The following CDK6 variants were observed in gnomAD, a reference collection of about 807,000 sequenced individuals.
CDK6 encodes cyclin-dependent kinase 6.
CDK6 carries 6 observed loss-of-function variants against 37.1 expected under a neutral mutation model. That is an observed-to-expected ratio of 0.16 (90% CI 0.09 to 0.32). The LOEUF is 0.32. Ranked by LOEUF, CDK6 falls within the 10% of genes least tolerant of loss-of-function variation. The pLI is 1.00. For missense variants in CDK6, 224 were observed against 418.9 expected, an observed-to-expected ratio of 0.53 and a Z score of 4.06; for synonymous variants, 160 against 161.3, an observed-to-expected ratio of 0.99 and a Z score of 0.06.
At position 92,607,404 on chromosome 7, in the gene CDK6, A is replaced by G. The variant is rs1795452511; in HGVS notation, c.*7736T>C. 1 of 232,978 alleles carries G rather than the reference A, an allele frequency of 4.3e-6. No homozygotes were observed. The highest frequency in any genetic ancestry group is 8.5e-6 in the Non-Finnish European group (1 of 117,988). The allele number at this position is 232,978 out of a possible 1,614,324, so 14.4% of individuals were successfully genotyped here. On this transcript the variant is annotated 3_prime_UTR_variant, in exon 8 of 8. Coordinates refer to ENST00000424848, the MANE Select transcript of CDK6 (RefSeq NM_001145306.2). Reference sequence around the variant, plus strand: ...TTGCTATATTTTTGCACTCTACTATATGCATATTTAATAAAAACAACTACA... The same window carrying G: ...TTGCTATATTTTTGCACTCTACTATGTGCATATTTAATAAAAACAACTACA...
chr7:92,816,343 G>A (rs999381479), intron 2 of CDK6, among the ~76,000 whole-genome samples: 9 of 152,122 alleles, frequency 5.9e-5, no homozygotes, highest in African/African-American at 1.2e-4. Context: ...CATGGACACA[G>A]TGAGGAGAAA....
chr7:92,608,924 G>A lies in CDK6; in HGVS notation c.*6216C>T, dbSNP rs779592708. On this transcript the variant is annotated 3_prime_UTR_variant, in exon 8 of 8. Coordinates refer to ENST00000424848, the MANE Select transcript of CDK6 (RefSeq NM_001145306.2). ...CGGAAGGCTTTCAAGTGGGAATCAA[G>A]TTTTGAGCACGAGCAAATGGGGTTC... 3 of 232,828 alleles carry A rather than the reference G, an allele frequency of 1.3e-5. No homozygotes were observed. Among genetic ancestry groups the A allele is most frequent in the Middle Eastern group, 1.2e-3 (1 of 806 alleles). The allele number at this position is 232,828 out of a possible 1,614,324, so 14.4% of individuals were successfully genotyped here.
At chr7:92,772,544 A>T (rs1300628921) in intron 3 of CDK6, among the ~76,000 whole-genome samples, 1 of 152,116 alleles carries the variant, frequency 6.6e-6, no homozygotes, top group African/African-American at 2.4e-5. Context: ...AAAAAAAAAA[A>T]AAAATTAACT....
At chr7:92,803,941 C>T (rs1206928551) in intron 2 of CDK6, among the ~76,000 whole-genome samples, 4 of 152,146 alleles carry the variant, frequency 2.6e-5, no homozygotes, top group Non-Finnish European at 5.9e-5. Flanking sequence ...CCTATATAAG[C>T]CATCTACCGT....
chr7:92,749,210 A>AC (rs1331781265), intron 3 of CDK6, among the ~76,000 whole-genome samples: 1 of 151,776 alleles, frequency 6.6e-6, no homozygotes, highest in East Asian at 1.9e-4. Context: ...AAAAAAAAAA[A>AC]AAAAAAGAAA....
chr7:92,725,564 A>C (rs1798491706), intron 4 of CDK6, 62 bp downstream of exon 4: 1 of 1,505,076 alleles, frequency 6.6e-7, no homozygotes, highest in South Asian at 1.2e-5. Flanking sequence ...TGGAAGAGGG[A>C]CAGACTGTCA....
At chr7:92,620,899 C>A (rs373042338) in intron 6 of CDK6, among the ~76,000 whole-genome samples, 9 of 152,152 alleles carry the variant, frequency 5.9e-5, no homozygotes, top group African/African-American at 2.2e-4. Context: ...CAGGGCAAGA[C>A]CTTGTCTCCA....
At chr7:92,622,655 T>A (rs1484862965) in intron 6 of CDK6, among the ~76,000 whole-genome samples, 3 of 152,028 alleles carry the variant, frequency 2.0e-5, no homozygotes, top group Non-Finnish European at 4.4e-5. Context: ...GGATACTCAG[T>A]GGGGACAGGA....
intron 3 of CDK6, among the ~76,000 whole-genome samples, chr7:92,766,726 T>C (rs1312178175): frequency 3.9e-5 from 6 of 152,192 alleles, no homozygotes; most frequent in Non-Finnish European, 8.8e-5. Context: ...CACTCTGCTA[T>C]CTGTTGCCAT....
intron 3 of CDK6, among the ~76,000 whole-genome samples, chr7:92,729,184 G>A (rs372789648): frequency 3.3e-5 from 5 of 152,104 alleles, no homozygotes; most frequent in Non-Finnish European, 4.4e-5. Flanking sequence ...GACTCTCTAC[G>A]TAAGCTTATG....
chr7:92,632,430 A>G (rs1271353456), intron 5 of CDK6, among the ~76,000 whole-genome samples: 1 of 152,200 alleles, frequency 6.6e-6, no homozygotes, highest in African/African-American at 2.4e-5. Flanking sequence ...AATAGTCCAA[A>G]CACTGAAAGA....
intron 3 of CDK6, among the ~76,000 whole-genome samples, chr7:92,746,603 C>A (rs1799065702): frequency 6.6e-6 from 1 of 152,048 alleles, no homozygotes; most frequent in African/African-American, 2.4e-5. Context: ...ACAAATATTC[C>A]AAAATCTGAA....
intron 4 of CDK6, chr7:92,725,088 G>A: frequency 1.0e-6 from 1 of 985,362 alleles, no homozygotes; most frequent in Non-Finnish European, 1.2e-6. Context: ...TTTCTATTCA[G>A]GGTTATATGA....
At chr7:92,717,540 AAGAC>A (rs777829927) in intron 4 of CDK6, among the ~76,000 whole-genome samples, 48 of 152,222 alleles carry the variant, frequency 3.2e-4, no homozygotes, top group African/African-American at 7.7e-4. Flanking sequence ...GAAAGAAAGA[AAGAC>A]AGACAACCAG....
rs2116035004 is a variant in CDK6, at chr7:92,833,318, C to T, written c.6G>A (p.Glu2=). ...GGTCAGCGCGGCACAGGCCGTCCTT[C>T]TCCATGCCGCCTGGACGCCGCCCGC... M[E]KDGLCRADQQ... The change falls in exon 2 of 8, where the codon GAG becomes GAA. Residue 2 remains glutamate (E), a synonymous_variant. Coordinates refer to ENST00000424848, the MANE Select transcript of CDK6 (RefSeq NM_001145306.2). This position sits in a 1 kb window ranked among gnomAD's most constrained non-coding sequence, Gnocchi z 6.1. 6.3e-7 allele frequency: 1 copy of T among 1,584,392 alleles called. No homozygotes were observed. The highest frequency in any genetic ancestry group is 1.7e-5 in the Admixed American group (1 of 57,150).
chr7:92,645,164 T>C (rs991839865), intron 5 of CDK6, among the ~76,000 whole-genome samples: 3 of 152,206 alleles, frequency 2.0e-5, no homozygotes, highest in Non-Finnish European at 4.4e-5. Flanking sequence ...TTGGAGTCTA[T>C]GGTGTTTTCA....
At chr7:92,739,089 T>TC (rs1193762199) in intron 3 of CDK6, among the ~76,000 whole-genome samples, 1 of 152,230 alleles carries the variant, frequency 6.6e-6, no homozygotes, top group African/African-American at 2.4e-5. Flanking sequence ...GGTACTGCCT[T>TC]CTCTGGGTCT....
Position 92,671,549 on chromosome 7 carries a change from C to A in CDK6, c.538-14G>T, listed in dbSNP as rs2301557. 5.8e-5 allele frequency: 87 copies of A among 1,512,496 alleles called. No individual in the cohort carries two copies. The African/African-American group carries it at 1.1e-3, about 20-fold the overall frequency. 93.7% of individuals were successfully genotyped at this position (1,512,496 alleles called of 1,614,324 possible). On this transcript the variant is annotated splice_polypyrimidine_tract_variant and intron_variant, in intron 4 of 7. Coordinates refer to ENST00000424848, the MANE Select transcript of CDK6 (RefSeq NM_001145306.2). ...CAGCGTGACGACCTGCAATGGCAAG[C>A]GGATCCAAGTGTTACTGAGAAGGTG...
intron 2 of CDK6, among the ~76,000 whole-genome samples, chr7:92,776,069 C>T (rs941454214): frequency 6.6e-6 from 1 of 151,488 alleles, no homozygotes; most frequent in African/African-American, 2.4e-5. Context: ...CTAACCCCCC[C>T]ACCCCGACAG....
Sources: allele counts gnomAD v4.1 joint callset (sites outside exome capture counted in the v4.1 genomes callset), GRCh38; gene constraint gnomAD v4.1.1; non-coding constraint Gnocchi (gnomAD v3.1); transcripts MANE v1.5; gene names NCBI Gene and HGNC (gene_info 2026-07-23, HGNC 2026-07-21).